Variants in LRRC37A2 observed in about 807,000 individuals in gnomAD.
LRRC37A2 encodes the protein leucine-rich repeat-containing protein 37A2.
Under a neutral mutation model 68.8 loss-of-function variants are expected in LRRC37A2, and 9 were observed. The ratio of observed to expected loss-of-function variants is 0.13; its 90% CI spans 0.08 to 0.23. The LOEUF (loss-of-function observed/expected upper bound fraction) is 0.23. Ranked by LOEUF, LRRC37A2 falls within the 10% of genes least tolerant of loss-of-function variation. The probability of loss-of-function intolerance (pLI) is 1.00; values close to 1 mark genes in which losing one functional copy is unlikely to be tolerated. For synonymous variants in LRRC37A2, 63 were observed against 367.6 expected, an observed-to-expected ratio of 0.17 and a Z score of 9.48; for missense variants, 168 against 950.4, an observed-to-expected ratio of 0.18 and a Z score of 10.82.
At chr17:46,974,658 C>T in the LRRC37A2 span, among the ~76,000 whole-genome samples, 74 of 151,694 alleles carry the variant, frequency 4.9e-4, no homozygotes, top group African/African-American at 1.6e-3. Flanking sequence ...GGCGTGAACC[C>T]GGGAGGCAGA....
At chr17:46,827,940 G>A in the LRRC37A2 span, among the ~76,000 whole-genome samples, 1 of 151,788 alleles carries the variant, frequency 6.6e-6, no homozygotes, top group Non-Finnish European at 1.5e-5. Context: ...CTCCCAAGTA[G>A]CTGGGACTAC....
the LRRC37A2 span, among the ~76,000 whole-genome samples, chr17:46,726,795 T>G: frequency 1.1e-4 from 16 of 152,226 alleles, no homozygotes; most frequent in Non-Finnish European, 1.9e-4. Flanking sequence ...AGTATTCATT[T>G]TAATATGCCC....
chr17:46,770,413 C>T, the LRRC37A2 span, among the ~76,000 whole-genome samples: 1 of 152,188 alleles, frequency 6.6e-6, no homozygotes, highest in East Asian at 1.9e-4. Flanking sequence ...CTCCACCTTC[C>T]CAAAGTCCAG....
the LRRC37A2 span, among the ~76,000 whole-genome samples, chr17:46,922,329 G>A: frequency 6.6e-6 from 1 of 151,922 alleles, no homozygotes; most frequent in South Asian, 2.1e-4. Context: ...TTCGGGGCCT[G>A]TTGTGGGGTG....
the LRRC37A2 span, among the ~76,000 whole-genome samples, chr17:46,781,342 G>A: frequency 6.6e-6 from 1 of 151,644 alleles, no homozygotes; most frequent in Non-Finnish European, 1.5e-5. Flanking sequence ...AACAAATACT[G>A]TATGATTTCA....
chr17:46,975,554 C>T, the LRRC37A2 span: 1 of 152,276 alleles, frequency 6.6e-6, no homozygotes, highest in Non-Finnish European at 1.5e-5. Context: ...CTCAGGACTC[C>T]TGGGGAGAAC....
chr17:46,773,219 T>C, the LRRC37A2 span, among the ~76,000 whole-genome samples: 149,329 of 152,192 alleles, frequency 0.98, 73,314 homozygotes, highest in East Asian at 1. Context: ...AACAGAAACC[T>C]AGAGGGGCTC....
chr17:46,858,824 G>A, the LRRC37A2 span, among the ~76,000 whole-genome samples: 5 of 152,006 alleles, frequency 3.3e-5, no homozygotes, highest in African/African-American at 4.8e-5. Context: ...GCGCCATCAC[G>A]CCCAGCTAAT....
At chr17:46,390,371 A>G in the LRRC37A2 span, among the ~76,000 whole-genome samples, 3 of 106,448 alleles carry the variant, frequency 2.8e-5, no homozygotes, top group African/African-American at 9.2e-5. Context: ...GAGAAAGACC[A>G]GAGTGGAAGA....
the LRRC37A2 span, chr17:46,936,223 T>A: frequency 1.0e-6 from 1 of 985,322 alleles, no homozygotes; most frequent in African/African-American, 1.7e-5. Flanking sequence ...GTCTGCCCTT[T>A]CTTTAGAAAA....
chr17:46,704,846 A>G, the LRRC37A2 span: 24 of 1,599,036 alleles, frequency 1.5e-5, no homozygotes, highest in African/African-American at 2.7e-5. Flanking sequence ...GGAGAATGAT[A>G]TCAAACCAGT....
At chr17:46,799,668 G>A in the LRRC37A2 span, among the ~76,000 whole-genome samples, 9 of 152,052 alleles carry the variant, frequency 5.9e-5, no homozygotes, top group African/African-American at 1.7e-4. Context: ...GGCTGGTCTC[G>A]AACTCCTGAC....
At chr17:46,851,113 G>T in the LRRC37A2 span, among the ~76,000 whole-genome samples, 1 of 152,156 alleles carries the variant, frequency 6.6e-6, no homozygotes, top group Non-Finnish European at 1.5e-5. This position sits in a 1 kb window ranked among gnomAD's most constrained non-coding sequence, Gnocchi z 4.3. Context: ...GAGTCTGCGG[G>T]CTGCGGCGAA....
chr17:46,729,072 G>C, the LRRC37A2 span: 8 of 562,130 alleles, frequency 1.4e-5, no homozygotes, highest in East Asian at 2.4e-4. Flanking sequence ...AGGTCGTCCA[G>C]TCTTGACTTC....
the LRRC37A2 span, among the ~76,000 whole-genome samples, chr17:46,988,516 A>T: frequency 1.3e-5 from 2 of 152,372 alleles, no homozygotes; most frequent in African/African-American, 2.4e-5. Flanking sequence ...GCAATGATGC[A>T]GGTGAACAAA....
the LRRC37A2 span, among the ~76,000 whole-genome samples, chr17:46,873,184 C>T: frequency 8.3e-4 from 126 of 152,052 alleles, no homozygotes; most frequent in Admixed American, 2.8e-3. Context: ...ATTCCAGGCC[C>T]GATGACACGA....
chr17:46,746,807 A>T, the LRRC37A2 span, among the ~76,000 whole-genome samples: 1 of 152,356 alleles, frequency 6.6e-6, no homozygotes, highest in African/African-American at 2.4e-5. Flanking sequence ...GAGATTCAAT[A>T]GCTTCATCAG....
chr17:46,914,681 A>AAAAAGG, the LRRC37A2 span, among the ~76,000 whole-genome samples: 1 of 150,966 alleles, frequency 6.6e-6, no homozygotes, highest in African/African-American at 2.4e-5. Context: ...AAAGGAAAAG[A>AAAAAGG]AAAAGGAAAG....
chr17:46,833,380 C>T, the LRRC37A2 span: 3 of 518,488 alleles, frequency 5.8e-6, no homozygotes, highest in African/African-American at 3.8e-5. Flanking sequence ...GATCCTCTGG[C>T]ATGCCAAGGC....
Sources: allele counts gnomAD v4.1 joint callset (sites outside exome capture counted in the v4.1 genomes callset), GRCh38; gene constraint gnomAD v4.1.1; non-coding constraint Gnocchi (gnomAD v3.1); transcripts MANE v1.5; gene names NCBI Gene and HGNC (gene_info 2026-07-23, HGNC 2026-07-21).